Variants in SLC6A5 observed in about 807,000 individuals in gnomAD.
SLC6A5 encodes solute carrier family 6 member 5.
A neutral mutation model predicts 90.5 loss-of-function variants in SLC6A5; 58 were observed. That is an observed-to-expected ratio of 0.64 (90% confidence interval 0.52 to 0.80). SLC6A5 has a LOEUF of 0.80. Among genes scored for constraint, SLC6A5 ranks in the 30% least tolerant of loss-of-function variants. The probability of loss-of-function intolerance (pLI) is 0.00; values close to 1 mark genes in which losing one functional copy is unlikely to be tolerated. For missense variants in SLC6A5, 1,015 were observed against 1,017.6 expected (o/e 1.00, Z 0.03); for synonymous variants, 427 against 401.4 (o/e 1.06, Z -0.76).
rs770663979 is a variant in SLC6A5, at chr11:20,601,202, C to G, written c.77C>G (p.Pro26Arg). Residue 26 changes from proline (P) to arginine (R), a missense_variant, in exon 2 of 16, where the codon CCG (proline) becomes CGG (arginine). Around this residue, in one of 3 missense-constraint regions of SLC6A5, gnomAD observed 567 missense variants for 507.3 expected, o/e 1.12. Transcript: ENST00000525748. Reference protein sequence around the residue: ...SPEAAAAQGHPDGPCAPRTSP... With the variant: ...SPEAAAAQGHRDGPCAPRTSP... ...GAGGCGGCGGCGGCGCAGGGCCACC[C>G]GGATGGCCCATGCGCTCCCAGGACG... 1.3e-6 allele frequency: 2 copies of G among 1,585,198 alleles called. No individual in the cohort carries two copies. The highest frequency in any genetic ancestry group is 1.7e-6 in the Non-Finnish European group (2 of 1,173,538).
intron 3 of SLC6A5, among the ~76,000 whole-genome samples, chr11:20,606,608 G>T (rs1257314566): frequency 3.9e-5 from 6 of 152,096 alleles, no homozygotes; most frequent in Non-Finnish European, 8.8e-5. Flanking sequence ...TCCTGGGAGG[G>T]CTGAGGCTCT....
intron 8 of SLC6A5, among the ~76,000 whole-genome samples, chr11:20,627,550 T>C (rs1853021557): frequency 6.6e-6 from 1 of 152,218 alleles, no homozygotes. Context: ...TTACTGAGAT[T>C]GGGGCTACAG....
At chr11:20,609,734 C>T (rs1284029159) in intron 5 of SLC6A5, among the ~76,000 whole-genome samples, 2 of 152,196 alleles carry the variant, frequency 1.3e-5, no homozygotes, top group Non-Finnish European at 2.9e-5. Context: ...CCTTCGTGTG[C>T]AGCTTGGAGC....
At chr11:20,607,453 A>G (rs1478300576) in intron 4 of SLC6A5, 26 bp from the exon 5 acceptor site, 2 of 1,613,962 alleles carry the variant, frequency 1.2e-6, no homozygotes, top group Middle Eastern at 1.6e-4. Flanking sequence ...AGATGGAATG[A>G]ACCCCTGGAA....
intron 3 of SLC6A5, 91 bp downstream of exon 3, chr11:20,604,515 G>T (rs1852541041): frequency 6.6e-7 from 1 of 1,519,542 alleles, no homozygotes; most frequent in South Asian, 1.2e-5. Flanking sequence ...GGGCCGCCGG[G>T]CGGGGAGGCT....
chr11:20,653,110 A>G (rs957496361), intron 15 of SLC6A5, among the ~76,000 whole-genome samples: 2 of 152,210 alleles, frequency 1.3e-5, no homozygotes, highest in African/African-American at 4.8e-5. Context: ...TTGTGCCACC[A>G]GTGAAGTGTG....
intron 7 of SLC6A5, among the ~76,000 whole-genome samples, chr11:20,619,857 C>T (rs945818979): frequency 6.6e-5 from 10 of 152,220 alleles, no homozygotes; most frequent in Admixed American, 4.6e-4. Context: ...TTCAGTGACC[C>T]CTGAGGAACC....
At chr11:20,600,258 A>G (rs1274040435) in intron 1 of SLC6A5, among the ~76,000 whole-genome samples, 1 of 152,018 alleles carries the variant, frequency 6.6e-6, no homozygotes, top group South Asian at 2.1e-4. Flanking sequence ...ATTAGTCATG[A>G]GTTTTGGTAC....
chr11:20,614,210 C>T (rs1428152515), intron 5 of SLC6A5, among the ~76,000 whole-genome samples: 1 of 152,142 alleles, frequency 6.6e-6, no homozygotes, highest in African/African-American at 2.4e-5. Context: ...TTTTCTAATT[C>T]AATTCGTTTC....
In SLC6A5 at chr11:20,614,702, C is replaced by T; in HGVS notation, c.1009C>T (p.Pro337Ser). The T allele has an allele frequency of 1.9e-6, 3 of 1,613,896 alleles. No homozygotes were observed. The South Asian group carries it at 3.3e-5, about 18-fold the overall frequency. ...LLDSCVISDH[P>S]KIQIKNSTFC... ...AGATTCCTGTGTTATCAGTGACCAT[C>T]CCAAAATACAGATCAAGAACTCGAC... is the stretch of plus-strand genomic sequence containing the variant. The change falls in exon 6 of 16, where the codon CCC becomes TCC. Residue 337 changes from proline (P) to serine (S), a missense_variant. Pro to Ser is a moderately conservative substitution (Grantham distance 74). Coordinates refer to ENST00000525748, the MANE Select transcript of SLC6A5 (RefSeq NM_004211.5).
At chr11:20,647,766 C>G (rs1191583731) in intron 14 of SLC6A5, among the ~76,000 whole-genome samples, 3 of 152,192 alleles carry the variant, frequency 2.0e-5, no homozygotes, top group Admixed American at 6.5e-5. Context: ...TTATCAACAG[C>G]TTGGATTTGA....
At chr11:20,627,795 G>C (rs1432734120) in intron 8 of SLC6A5, among the ~76,000 whole-genome samples, 185 bp from the exon 9 acceptor site, 1 of 152,122 alleles carries the variant, frequency 6.6e-6, no homozygotes, top group Non-Finnish European at 1.5e-5. Flanking sequence ...AAATCTCCCA[G>C]GTAATTGACT....
At chr11:20,626,359 C>T (rs1852993654) in intron 7 of SLC6A5, among the ~76,000 whole-genome samples, 1 of 151,974 alleles carries the variant, frequency 6.6e-6, no homozygotes, top group Admixed American at 6.5e-5. Flanking sequence ...TTTTGGTGCT[C>T]TAGCGGGCAT....
At chr11:20,645,873 G>T (rs922233201) in intron 13 of SLC6A5, among the ~76,000 whole-genome samples, 5 of 152,128 alleles carry the variant, frequency 3.3e-5, no homozygotes, top group African/African-American at 9.7e-5. Flanking sequence ...CTGACCTCGT[G>T]ATCCACCTGC....
chr11:20,617,945 G>T (rs1021257316), intron 7 of SLC6A5, 61 bp downstream of exon 7: 13 of 1,511,690 alleles, frequency 8.6e-6, no homozygotes, highest in Non-Finnish European at 1.2e-5. Context: ...TTGCTTTGGG[G>T]AGCAGGCAGA....
chr11:20,604,455 C>CGGGG (rs1383356738), intron 3 of SLC6A5, 31 bp downstream of exon 3: 1 of 1,514,088 alleles, frequency 6.6e-7, no homozygotes, highest in South Asian at 1.1e-5. Flanking sequence ...CCGCCTGCGG[C>CGGGG]GGGGCGGGGC....
chr11:20,630,677 T>G lies in SLC6A5; in HGVS notation c.1500-14T>G. On this transcript the variant is annotated splice_polypyrimidine_tract_variant and intron_variant, in intron 9 of 15. Coordinates refer to ENST00000525748, the MANE Select transcript of SLC6A5 (RefSeq NM_004211.5). The stretch of plus-strand genomic sequence containing the variant: ...AAGCACACCTAATGGAAAACTCTGG[T>G]CTCTTCCTTCCAGGGACACTCTAAT... 2 of 1,614,168 alleles carry G rather than the reference T, an allele frequency of 1.2e-6. No individual in the cohort carries two copies. Among genetic ancestry groups the G allele is most frequent in the East Asian group, 4.5e-5 (2 of 44,888 alleles).
chr11:20,636,505 G>C (rs1011880030), intron 11 of SLC6A5, 86 bp downstream of exon 11: 29 of 841,778 alleles, frequency 3.4e-5, no homozygotes, highest in Non-Finnish European at 5.8e-5. Flanking sequence ...CTTCAGGAGA[G>C]GGGTAGGCTT....
At chr11:20,608,891 G>GTTTAT (rs113289652) in intron 5 of SLC6A5, among the ~76,000 whole-genome samples, 18,301 of 151,364 alleles carry the variant, frequency 0.12, 1,879 homozygotes, top group East Asian at 0.35. Flanking sequence ...ATGAACATGT[G>GTTTAT]TTTATAGTCT....
Sources: allele counts gnomAD v4.1 joint callset (sites outside exome capture counted in the v4.1 genomes callset), GRCh38; gene constraint gnomAD v4.1.1; regional missense constraint gnomAD v4.1.1; transcripts MANE v1.5; gene names NCBI Gene and HGNC (gene_info 2026-07-23, HGNC 2026-07-21).